SGCZ: variants seen among roughly 807,000 people sequenced by gnomAD.
SGCZ encodes the protein sarcoglycan zeta, also known as zeta-sarcoglycan.
SGCZ carries 40 observed loss-of-function variants against 41.3 expected under a neutral mutation model. The ratio of observed to expected loss-of-function variants is 0.97; its 90% CI spans 0.75 to 1.26. The LOEUF (loss-of-function observed/expected upper bound fraction) is 1.26. Ranked by LOEUF, SGCZ falls within the 50% of genes most tolerant of loss-of-function variation. SGCZ has a pLI of 0.00. For missense variants in SGCZ, 552 were observed against 369.8 expected (o/e 1.49, Z -4.04); for synonymous variants, 206 against 137.5 (o/e 1.50, Z -3.49).
At chr8:14,730,677 T>A (rs1004884989) in intron 1 of SGCZ, among the ~76,000 whole-genome samples, 2 of 151,802 alleles carry the variant, frequency 1.3e-5, no homozygotes, top group African/African-American at 4.9e-5. Flanking sequence ...TCCAGATCTT[T>A]ATTATGTCAC....
intron 2 of SGCZ, among the ~76,000 whole-genome samples, chr8:14,517,371 T>C (rs1333171110): frequency 1.3e-5 from 2 of 152,130 alleles, no homozygotes; most frequent in South Asian, 2.1e-4. Context: ...TAACATCTAA[T>C]AAACTACACT....
rs1802936207 is a variant in SGCZ, at chr8:14,347,623, T to C, written c.235-23419A>G. On this transcript the variant is annotated intron_variant, in intron 2 of 7. Transcript: ENST00000382080. ...CTTTATAAAATAAAAATTATAATTA[T>C]AAAAAAAAATACATATACACATAGG... is the stretch of plus-strand genomic sequence containing the variant. Among the ~76,000 whole-genome samples the C allele has an allele frequency of 1.3e-5, 2 of 148,952 alleles. 1 individual carries two copies. Among genetic ancestry groups the C allele is most frequent in the Admixed American group, 1.3e-4 (2 of 14,972 alleles).
At chr8:14,259,858 G>A (rs1799593455) in intron 3 of SGCZ, among the ~76,000 whole-genome samples, 1 of 151,784 alleles carries the variant, frequency 6.6e-6, no homozygotes, top group Admixed American at 6.6e-5. Flanking sequence ...AAAGGCATTG[G>A]TAGCTTGATG....
chr8:14,676,619 A>T (rs80129554), intron 1 of SGCZ, among the ~76,000 whole-genome samples: 1 of 152,332 alleles, frequency 6.6e-6, no homozygotes, highest in East Asian at 1.9e-4. Context: ...CTGCACAATA[A>T]TATAAACCAC....
intron 1 of SGCZ, among the ~76,000 whole-genome samples, chr8:15,080,076 C>T (rs1239728392): frequency 6.6e-6 from 1 of 151,830 alleles, no homozygotes; most frequent in Non-Finnish European, 1.5e-5. Context: ...TTTGTATTTT[C>T]TTTCAGCATC....
rs530440274 is a variant in SGCZ, at chr8:14,617,295, A to G, written c.40-62369T>C. Among the ~76,000 whole-genome samples the G allele has an allele frequency of 4.6e-5, 7 of 152,280 alleles. No individual in the cohort carries two copies. In the South Asian group the frequency reaches 1.2e-3, roughly 27 times the overall value. On this transcript the variant is annotated intron_variant, in intron 1 of 7. Transcript: ENST00000382080. ...TATGATACAACAAAATTGAACTTAC[A>G]TGTGTGATTTGATAATATGTGCAAC...
chr8:14,292,243 T>G (rs1161826604), intron 3 of SGCZ, among the ~76,000 whole-genome samples: 1 of 151,978 alleles, frequency 6.6e-6, no homozygotes, highest in Non-Finnish European at 1.5e-5. Context: ...GAACAAACAA[T>G]TGTAGTACAT....
At chr8:14,280,220 G>A (rs931512908) in intron 3 of SGCZ, among the ~76,000 whole-genome samples, 22 of 151,862 alleles carry the variant, frequency 1.4e-4, no homozygotes, top group South Asian at 4.2e-4. Context: ...TTTTGAATCC[G>A]TATATATATA....
At chr8:15,031,245 C>G (rs1266098891) in intron 1 of SGCZ, among the ~76,000 whole-genome samples, 1 of 152,058 alleles carries the variant, frequency 6.6e-6, no homozygotes, top group Non-Finnish European at 1.5e-5. Context: ...TTTATTCCTA[C>G]AAGCCAAACA....
chr8:14,723,903 T>C (rs543941037), intron 1 of SGCZ, among the ~76,000 whole-genome samples: 1 of 152,186 alleles, frequency 6.6e-6, no homozygotes, highest in South Asian at 2.1e-4. Context: ...CCACCTTCAT[T>C]GCCTTTATAG....
chr8:14,239,100 T>G (rs551586530), intron 3 of SGCZ, among the ~76,000 whole-genome samples: 1 of 152,180 alleles, frequency 6.6e-6, no homozygotes, highest in Non-Finnish European at 1.5e-5. Context: ...TATTTAAAAT[T>G]AATTACATCA....
At chr8:15,139,489 T>C (rs1467736474) in intron 1 of SGCZ, among the ~76,000 whole-genome samples, 1 of 152,182 alleles carries the variant, frequency 6.6e-6, no homozygotes, top group Admixed American at 6.5e-5. Flanking sequence ...GCTATTGCAA[T>C]TGCATTTTTT....
rs141624528 is a variant in SGCZ, at chr8:14,828,522, C to A, written c.40-273596G>T. 2.5e-3 allele frequency among the ~76,000 whole-genome samples: 380 copies of A among 152,292 alleles called. 2 individuals are homozygous for A. The highest frequency in any genetic ancestry group is 8.7e-3 in the African/African-American group (362 of 41,558). On this transcript the variant is annotated intron_variant, in intron 1 of 7. Coordinates refer to ENST00000382080, the MANE Select transcript of SGCZ (RefSeq NM_139167.4). ...GATGGAAATTTTAAACAAGTGTAAT[C>A]AAGATCCTGAAGCACTTCCTCTAAT...
chr8:15,177,992 C>T (rs1800051006), intron 1 of SGCZ, among the ~76,000 whole-genome samples: 3 of 152,098 alleles, frequency 2.0e-5, no homozygotes, highest in African/African-American at 7.2e-5. Flanking sequence ...TACCACTCAC[C>T]ACTTCCTATG....
intron 2 of SGCZ, among the ~76,000 whole-genome samples, chr8:14,500,106 G>T (rs1407521908): frequency 3.9e-5 from 6 of 152,048 alleles, no homozygotes; most frequent in Non-Finnish European, 8.8e-5. Flanking sequence ...TCGCTAATTG[G>T]TAACTCACAA....
At chr8:14,264,403 C>G (rs1186705023) in intron 3 of SGCZ, among the ~76,000 whole-genome samples, 1 of 152,136 alleles carries the variant, frequency 6.6e-6, no homozygotes, top group African/African-American at 2.4e-5. Context: ...GATGGAGCAT[C>G]TGGATCTTCC....
intron 1 of SGCZ, among the ~76,000 whole-genome samples, chr8:15,111,244 G>A (rs1196002908): frequency 2.0e-5 from 3 of 152,094 alleles, no homozygotes; most frequent in African/African-American, 7.2e-5. Flanking sequence ...CCTAGGGCTG[G>A]CTCAATAGAA....
intron 1 of SGCZ, chr8:14,853,357 C>G: frequency 2.2e-6 from 1 of 459,798 alleles, no homozygotes; most frequent in South Asian, 1.6e-5. Flanking sequence ...GCTGGCCACT[C>G]CAGTCCACCA....
At chr8:15,058,067 G>C (rs1353346176) in intron 1 of SGCZ, among the ~76,000 whole-genome samples, 1 of 152,114 alleles carries the variant, frequency 6.6e-6, no homozygotes, top group Non-Finnish European at 1.5e-5. Flanking sequence ...ATTGAATAGA[G>C]AGCAACTGTT....
Sources: allele counts gnomAD v4.1 joint callset (sites outside exome capture counted in the v4.1 genomes callset), GRCh38; gene constraint gnomAD v4.1.1; transcripts MANE v1.5; gene names NCBI Gene and HGNC (gene_info 2026-07-23, HGNC 2026-07-21).